Variants in ZNF790 observed in about 807,000 individuals in gnomAD.
The protein encoded by ZNF790 is zinc finger protein 790.
ZNF790 carries 8 observed loss-of-function variants against 12.1 expected under a neutral mutation model. The observed-to-expected ratio is 0.66, with a 90% CI of 0.39 to 1.19. The LOEUF (loss-of-function observed/expected upper bound fraction) is 1.19. ZNF790 is among the 50% of genes most tolerant of loss of function. ZNF790 has a pLI of 0.01. For missense variants in ZNF790, 707 were observed against 752.2 expected (o/e 0.94, Z 0.70); for synonymous variants, 252 against 244.3 (o/e 1.03, Z -0.29).
intron 1 of ZNF790, among the ~76,000 whole-genome samples, chr19:36,845,877 C>G (rs1034863339): frequency 6.6e-6 from 1 of 151,512 alleles, no homozygotes; most frequent in African/African-American, 2.4e-5. Context: ...GGCATGATCT[C>G]GGCTCACTGC....
intron 1 of ZNF790, 64 bp from the exon 2 acceptor site, chr19:36,825,756 G>A: frequency 1.1e-6 from 1 of 951,386 alleles, no homozygotes; most frequent in Admixed American, 1.8e-5. Context: ...AATAGGAAAT[G>A]CCATTTTCTT....
upstream of ZNF790, among the ~76,000 whole-genome samples, chr19:36,842,055 A>T (rs2146091792): frequency 6.6e-6 from 1 of 152,238 alleles, no homozygotes; most frequent in East Asian, 1.9e-4. Flanking sequence ...AGTGTACATG[A>T]CCTGCAGTTA....
intron 4 of ZNF790, among the ~76,000 whole-genome samples, chr19:36,821,247 G>C (rs890897319): frequency 6.6e-6 from 1 of 152,002 alleles, no homozygotes; most frequent in Admixed American, 6.6e-5. Context: ...TCAATGAATT[G>C]AAAGGCAGTT....
At chr19:36,835,218 T>C (rs545590299) in intron 1 of ZNF790, among the ~76,000 whole-genome samples, 425 of 151,904 alleles carry the variant, frequency 2.8e-3, no homozygotes, top group Non-Finnish European at 4.4e-3. Flanking sequence ...GAACCAGAAG[T>C]TGCGGTAAGC....
chr19:36,818,220 A>G lies in ZNF790; in HGVS notation c.*213T>C. On this transcript the variant is annotated 3_prime_UTR_variant, in exon 5 of 5. Transcript: ENST00000356725. ...CTATCTCATAAAATTTTACCCTGAT[A>G]TTCTGCAATTGATAACTGATCAGTA... The G allele has an allele frequency of 2.7e-6, 1 of 374,884 alleles. No individual in the cohort carries two copies. The highest frequency in any genetic ancestry group is 4.7e-6 in the Non-Finnish European group (1 of 211,206). The allele number at this position is 374,884 out of a possible 1,614,324, so 23.2% of individuals were successfully genotyped here.
intron 1 of ZNF790, among the ~76,000 whole-genome samples, chr19:36,834,173 G>A (rs1434598778): frequency 2.0e-5 from 3 of 148,986 alleles, no homozygotes; most frequent in African/African-American, 7.5e-5. Flanking sequence ...AACCGGGGAG[G>A]CAGAGCTTGC....
chr19:36,823,400 C>G lies in ZNF790; in HGVS notation c.134-20G>C, dbSNP rs901985369. Reference sequence around the variant, plus strand: ...AAAAACCTGCCCAGAAGATGAGAAACAGCAAAGAACCACATTGTAAAGATT... The same window carrying G: ...AAAAACCTGCCCAGAAGATGAGAAAGAGCAAAGAACCACATTGTAAAGATT... On this transcript the variant is annotated intron_variant, in intron 3 of 4. Transcript: ENST00000356725. The G allele has an allele frequency of 5.0e-6, 8 of 1,607,404 alleles. No individual in the cohort carries two copies. In the African/African-American group the frequency reaches 9.4e-5, roughly 19 times the overall value.
Position 36,823,327 on chromosome 19 carries a change from G to T in ZNF790, c.187C>A (p.Pro63Thr). ...AFSLLEKGKE[P>T]WKILRDETRG... ...GTCTCATCCCTCAAAATCTTCCAGG[G>T]CTCTTTCCCTTTCTCCAATAAAGAG... The change falls in exon 4 of 5, where the codon CCC (proline) becomes ACC (threonine). Residue 63 changes from proline (P) to threonine (T), a missense_variant. Physicochemically the swap from Pro to Thr is conservative, Grantham distance 38. Transcript: ENST00000356725. 6.2e-7 allele frequency: 1 copy of T among 1,613,976 alleles called. No individual in the cohort carries two copies. Among genetic ancestry groups the T allele is most frequent in the Non-Finnish European group, 8.5e-7 (1 of 1,179,980 alleles).
chr19:36,826,213 T>C lies in ZNF790; in HGVS notation c.-73-521A>G, dbSNP rs534689604. Among the ~76,000 whole-genome samples, 8 of 152,192 alleles carry C rather than the reference T, an allele frequency of 5.3e-5. No individual in the cohort carries two copies. In the South Asian group the frequency reaches 6.2e-4, roughly 12 times the overall value. On this transcript the variant is annotated intron_variant, in intron 1 of 4. Coordinates refer to ENST00000356725, the MANE Select transcript of ZNF790 (RefSeq NM_206894.4). The stretch of plus-strand genomic sequence containing the variant: ...TTGACAGTGAGCATCAGGGTGGCTT[T>C]TTCATGAAGGGAACCCAAAGATGGA...
At chr19:36,850,229 G>A (rs1159798107) in exon 1 of ZNF790, 2 of 152,302 alleles carry the variant, frequency 1.3e-5, no homozygotes, top group African/African-American at 4.8e-5. Context: ...AGGACCCAGA[G>A]AACGCAGCAC....
At chr19:36,833,174 G>A (rs1350404286) in intron 1 of ZNF790, among the ~76,000 whole-genome samples, 2 of 152,188 alleles carry the variant, frequency 1.3e-5, no homozygotes, top group East Asian at 1.9e-4. Flanking sequence ...ACAGAGTCTC[G>A]CTCTGTCACC....
chr19:36,840,278 C>T (rs529502265), upstream of ZNF790, among the ~76,000 whole-genome samples: 8 of 152,184 alleles, frequency 5.3e-5, no homozygotes, highest in Admixed American at 1.3e-4. Flanking sequence ...AACCACTACA[C>T]GCCCAAGCTC....
intron 1 of ZNF790, among the ~76,000 whole-genome samples, chr19:36,827,122 A>G (rs1161047539): frequency 1.5e-5 from 1 of 66,102 alleles, no homozygotes; most frequent in African/African-American, 7.9e-5. Context: ...ACACATACAC[A>G]CACACACACA....
intron 1 of ZNF790, chr19:36,827,630 A>G (rs112661188): frequency 1.4e-4 from 21 of 152,548 alleles, no homozygotes; most frequent in African/African-American, 4.8e-4. Context: ...CAAATTTAAT[A>G]TTTAACTTTT....
In ZNF790 at chr19:36,819,136, T is replaced by G. The variant is rs756008691; in HGVS notation, c.1208A>C (p.Tyr403Ser). ...PYKCEKCGKAYIWSSHLARHQ... is the reference protein window; with the variant it reads ...PYKCEKCGKASIWSSHLARHQ... ...TCGAGCAAGGTGTGAGCTCCAAATA[T>G]AGGCTTTCCCACATTTCTCACATTT... Residue 403 changes from tyrosine (Y) to serine (S), a missense_variant, in exon 5 of 5, where the codon TAT becomes TCT. Transcript: ENST00000356725. 1.9e-6 allele frequency: 3 copies of G among 1,613,562 alleles called. No individual in the cohort carries two copies. The highest frequency in any genetic ancestry group is 2.2e-5 in the South Asian group (2 of 91,034).
rs1255045009 is a variant in ZNF790, at chr19:36,819,642, A to G, written c.702T>C (p.Ser234=). The G allele has an allele frequency of 6.2e-7, 1 of 1,607,366 alleles. No individual in the cohort carries two copies. The highest frequency in any genetic ancestry group is 8.5e-7 in the Non-Finnish European group (1 of 1,176,416). The stretch of plus-strand genomic sequence containing the variant: ...CAGTAAGACTCGAACGTAAACTAAA[A>G]GACTTCCCACATTCTTTACATTCAT... ...KTYECKECGK[S]FSLRSSLTGH... The change falls in exon 5 of 5, where the codon TCT becomes TCC. Residue 234 remains serine (S), a synonymous_variant. Transcript: ENST00000356725.
chr19:36,823,330 C>CT lies in ZNF790; in HGVS notation c.183dup (p.Glu62ArgfsTer9), dbSNP rs759853617. On this transcript the variant is annotated frameshift_variant, in exon 4 of 5. Transcript: ENST00000356725. LOFTEE classifies it low-confidence loss of function (END_TRUNC). ...TCATCCCTCAAAATCTTCCAGGGCT[C>CT]TTTCCCTTTCTCCAATAAAGAGAAC... 13 of 1,614,158 alleles carry CT rather than the reference C, an allele frequency of 8.1e-6. No homozygotes were observed. The highest frequency in any genetic ancestry group is 1.3e-5 in the African/African-American group (1 of 75,034).
chr19:36,829,630 C>A (rs1294653029), intron 1 of ZNF790, among the ~76,000 whole-genome samples: 2 of 152,198 alleles, frequency 1.3e-5, no homozygotes, highest in Non-Finnish European at 2.9e-5. Flanking sequence ...TGCAATGGCA[C>A]GATCTCGACT....
chr19:36,835,450 A>G (rs2146077015), intron 1 of ZNF790, among the ~76,000 whole-genome samples: 1 of 152,298 alleles, frequency 6.6e-6, no homozygotes, highest in Non-Finnish European at 1.5e-5. Context: ...AAAACTGTAA[A>G]TTATATTATT....
Sources: gnomAD v4.1 joint callset for allele counts (sites outside exome capture counted in the v4.1 genomes callset) on GRCh38, gnomAD v4.1.1 for gene constraint, MANE v1.5 for transcripts, NCBI Gene and HGNC (gene_info 2026-07-23, HGNC 2026-07-21) for gene names.